The following AVL9 variants were observed in gnomAD, a reference collection of about 807,000 sequenced individuals.
The protein encoded by AVL9 is late secretory pathway protein AVL9 homolog.
In AVL9, 49 loss-of-function variants were observed where a neutral mutation model predicts 79.2. That is an observed-to-expected ratio of 0.62 (90% CI 0.49 to 0.79). The LOEUF is 0.79. Ranked by LOEUF, AVL9 falls within the 30% of genes least tolerant of loss-of-function variation. AVL9 has a pLI of 0.00. For missense variants in AVL9, 682 were observed against 776.8 expected (o/e 0.88, Z 1.45); for synonymous variants, 299 against 280.6 (o/e 1.07, Z -0.65).
At chr7:32,524,541 CACACA>C in intron 1 of AVL9, among the ~76,000 whole-genome samples, 1 of 123,338 alleles carries the variant, frequency 8.1e-6, no homozygotes, top group African/African-American at 3.0e-5. Flanking sequence ...CACACACACA[CACACA>C]CACACACACA....
chr7:32,515,849 G>T lies in AVL9; in HGVS notation c.93+20047G>T, dbSNP rs542129939. ...AAAATTCCAAATTGTAGGGAACAAG[G>T]CCTCTCTGAATTAGCTAAAATTCCT... On this transcript the variant is annotated intron_variant, in intron 1 of 15. Coordinates refer to ENST00000318709, the MANE Select transcript of AVL9 (RefSeq NM_015060.3). Among the ~76,000 whole-genome samples, 5 of 152,070 alleles carry T rather than the reference G, an allele frequency of 3.3e-5. No homozygotes were observed. The South Asian group carries it at 1.0e-3, about 32-fold the overall frequency.
At position 32,530,888 on chromosome 7, in the gene AVL9, G is replaced by A. The variant is rs149031044; in HGVS notation, c.94-12253G>A. ...TGAAAATTGCTTGAACCCAGAAGGC[G>A]GAGGTTGCAATGAGCCAAGATCATG... On this transcript the variant is annotated intron_variant, in intron 1 of 15. Transcript: ENST00000318709. Among the ~76,000 whole-genome samples the A allele has an allele frequency of 5.8e-3, 879 of 152,222 alleles. 8 individuals are homozygous for A. The highest frequency in any genetic ancestry group is 0.02 in the African/African-American group (836 of 41,534).
intron 1 of AVL9, among the ~76,000 whole-genome samples, chr7:32,529,680 T>C (rs1171539444): frequency 6.6e-6 from 1 of 152,236 alleles, no homozygotes; most frequent in Non-Finnish European, 1.5e-5. Context: ...TTTGAACACT[T>C]CATCTTCATA....
chr7:32,579,546 TATATTA>T lies in AVL9; in HGVS notation c.1689-672_1689-667del, dbSNP rs1441607066. Among the ~76,000 whole-genome samples, 15 of 4,376 alleles carry T rather than the reference TATATTA, an allele frequency of 3.4e-3. 2 individuals carry two copies. The highest frequency in any genetic ancestry group is 0.017 in the African/African-American group (15 of 884). The allele number at this position is 4,376 out of a possible 152,430, so 2.9% of individuals were successfully genotyped here. On this transcript the variant is annotated intron_variant, in intron 13 of 15. Coordinates refer to ENST00000318709, the MANE Select transcript of AVL9 (RefSeq NM_015060.3). ...ATATTATATATTATATTATATATTA[TATATTA>T]TATATTATATTATATATTATATTAT...
At chr7:32,564,390 C>G (rs1464954332) in intron 10 of AVL9, among the ~76,000 whole-genome samples, 2 of 152,104 alleles carry the variant, frequency 1.3e-5, no homozygotes, top group Non-Finnish European at 2.9e-5. Context: ...ACCGAATTGT[C>G]TTTAGGCTTT....
chr7:32,508,314 A>G (rs546711342), intron 1 of AVL9, among the ~76,000 whole-genome samples: 15 of 152,320 alleles, frequency 9.8e-5, no homozygotes, highest in Middle Eastern at 3.4e-3. Context: ...ATTTTTCTGT[A>G]TTACCTTCTA....
chr7:32,577,071 C>A lies in AVL9; in HGVS notation c.1688+999C>A, dbSNP rs562229597. 2.6e-5 allele frequency among the ~76,000 whole-genome samples: 4 copies of A among 152,118 alleles called. No individual in the cohort carries two copies. In the South Asian group the frequency reaches 8.3e-4, roughly 32 times the overall value. ...AGATAAGGCCAGGCACAGTGGCTCA[C>A]GCCTGTAATCCCAGCACTTTGGGAG... On this transcript the variant is annotated intron_variant, in intron 13 of 15. Transcript: ENST00000318709.
intron 5 of AVL9, among the ~76,000 whole-genome samples, chr7:32,551,969 C>T (rs988468223): frequency 4.0e-5 from 6 of 151,380 alleles, no homozygotes; most frequent in Non-Finnish European, 8.8e-5. Context: ...ATGAACCACG[C>T]TCTAAAATGT....
chr7:32,554,606 TA>T lies in AVL9; in HGVS notation c.609+12del. 2 of 1,505,724 alleles carry T rather than the reference TA, an allele frequency of 1.3e-6. No homozygotes were observed. The highest frequency in any genetic ancestry group is 1.8e-6 in the Non-Finnish European group (2 of 1,115,862). 93.3% of individuals were successfully genotyped at this position (1,505,724 alleles called of 1,614,324 possible). ...TCTTCTTGAAAAAAAGGTACGATCC[TA>T]AGGGATGAAAGGAAAGATGGAGTAT... On this transcript the variant is annotated intron_variant, in intron 8 of 15. Transcript: ENST00000318709.
rs1008467973 is a variant in AVL9, at chr7:32,587,912, A to T, written c.*4005A>T. The T allele has an allele frequency of 3.3e-5, 5 of 152,148 alleles. No individual in the cohort carries two copies. Among genetic ancestry groups the T allele is most frequent in the Non-Finnish European group, 7.4e-5 (5 of 68,022 alleles). 9.4% of individuals were successfully genotyped at this position (152,148 alleles called of 1,614,324 possible). The stretch of plus-strand genomic sequence containing the variant: ...TCATATGAATGACTTTGTACACATG[A>T]CTTCCTGCTTTCATTATGAAGGAGG... On this transcript the variant is annotated 3_prime_UTR_variant, in exon 16 of 16. Transcript: ENST00000318709.
At chr7:32,496,040 T>C (rs1356806820) in intron 1 of AVL9, among the ~76,000 whole-genome samples, 1 of 146,420 alleles carries the variant, frequency 6.8e-6, no homozygotes, top group Admixed American at 6.8e-5. Context: ...GAGGAGCTGG[T>C]TGATACGTGT....
Position 32,546,551 on chromosome 7 carries a change from G to A in AVL9, c.300+1772G>A, listed in dbSNP as rs1004687428. Reference sequence around the variant, plus strand: ...ATAAAGAGAAAAGAGGCTGGACCCCGGTGGCTCACACCTGTAATCCTAGCA... The same window carrying A: ...ATAAAGAGAAAAGAGGCTGGACCCCAGTGGCTCACACCTGTAATCCTAGCA... On this transcript the variant is annotated intron_variant, in intron 3 of 15. Coordinates refer to ENST00000318709, the MANE Select transcript of AVL9 (RefSeq NM_015060.3). Among the ~76,000 whole-genome samples, 6 of 152,166 alleles carry A rather than the reference G, an allele frequency of 3.9e-5. No individual in the cohort carries two copies. The South Asian group carries it at 8.3e-4, about 21-fold the overall frequency.
chr7:32,588,559 G>A lies in AVL9; in HGVS notation c.*4652G>A, dbSNP rs1791895036. On this transcript the variant is annotated 3_prime_UTR_variant, in exon 16 of 16. Coordinates refer to ENST00000318709, the MANE Select transcript of AVL9 (RefSeq NM_015060.3). ...TCAGAAAGGTAGTTCTCTTTGCTCT[G>A]GTAGTTTTAAAGTTTGTACTAGTTC... is the stretch of plus-strand genomic sequence containing the variant. The A allele has an allele frequency of 6.6e-6, 1 of 151,992 alleles. No individual in the cohort carries two copies. The highest frequency in any genetic ancestry group is 2.4e-5 in the African/African-American group (1 of 41,392). The allele number at this position is 151,992 out of a possible 1,614,324, so 9.4% of individuals were successfully genotyped here. A position where few individuals can be genotyped will look rare whatever the true frequency, so the allele number is the denominator to read the frequency against.
intron 1 of AVL9, among the ~76,000 whole-genome samples, chr7:32,511,144 G>C (rs1172356602): frequency 2.1e-5 from 3 of 142,078 alleles, no homozygotes; most frequent in South Asian, 2.2e-4. Context: ...GTCAGGTCTG[G>C]TTGTAGGAGT....
chr7:32,578,449 T>C (rs1791196017), intron 13 of AVL9, among the ~76,000 whole-genome samples: 1 of 152,224 alleles, frequency 6.6e-6, no homozygotes, highest in African/African-American at 2.4e-5. Flanking sequence ...CAAAGAAGTA[T>C]ATTTTGGGGT....
intron 1 of AVL9, among the ~76,000 whole-genome samples, chr7:32,524,175 A>C (rs1352681690): frequency 6.6e-6 from 1 of 152,230 alleles, no homozygotes; most frequent in East Asian, 1.9e-4. Context: ...ATGTTTAAAC[A>C]GACTTTATGT....
chr7:32,542,477 G>T (rs1408930576), intron 1 of AVL9, among the ~76,000 whole-genome samples: 2 of 151,794 alleles, frequency 1.3e-5, no homozygotes, highest in Non-Finnish European at 2.9e-5. Flanking sequence ...AATTGCTTGA[G>T]CATGGGAGAC....
intron 5 of AVL9, 149 bp downstream of exon 5, chr7:32,551,572 T>A: frequency 3.9e-6 from 1 of 257,830 alleles, no homozygotes. Flanking sequence ...ATTGAAAGAC[T>A]AGGAATCTGC....
chr7:32,576,419 G>A (rs918132050), intron 13 of AVL9, among the ~76,000 whole-genome samples: 3 of 152,194 alleles, frequency 2.0e-5, no homozygotes, highest in African/African-American at 7.2e-5. Context: ...TAGAATCCTA[G>A]AAGGAAATAC....
Sources: allele counts gnomAD v4.1 joint callset (sites outside exome capture counted in the v4.1 genomes callset), GRCh38; gene constraint gnomAD v4.1.1; transcripts MANE v1.5; gene names NCBI Gene and HGNC (gene_info 2026-07-23, HGNC 2026-07-21).